The following CYREN variants were observed in gnomAD, a reference collection of about 807,000 sequenced individuals.
The protein encoded by CYREN is cell cycle regulator of NHEJ.
Under a neutral mutation model 9.7 loss-of-function variants are expected in CYREN, and 7 were observed. The observed-to-expected ratio is 0.72, with a 90% CI of 0.41 to 1.36. The LOEUF (loss-of-function observed/expected upper bound fraction) is 1.36, where lower values mean the gene tolerates loss of function less well. CYREN is among the 40% of genes most tolerant of loss of function. CYREN has a pLI of 0.01. For missense variants in CYREN, 215 were observed against 198.1 expected (o/e 1.09, Z -0.51); for synonymous variants, 76 against 77.9 (o/e 0.98, Z 0.13).
chr7:135,136,996 C>T (rs554387188), intron 2 of CYREN, among the ~76,000 whole-genome samples: 1 of 152,166 alleles, frequency 6.6e-6, no homozygotes, highest in South Asian at 2.1e-4. Context: ...GAGCATGCCA[C>T]TCTCTCATAA....
chr7:135,164,347 G>A, downstream of CYREN: 1 of 1,261,628 alleles, frequency 7.9e-7, no homozygotes, highest in South Asian at 1.4e-5. Context: ...GCCAAAGGGA[G>A]AACATGAGCT....
intron 2 of CYREN, among the ~76,000 whole-genome samples, chr7:135,142,845 T>C (rs534207820): frequency 1.1e-4 from 16 of 152,246 alleles, no homozygotes; most frequent in African/African-American, 3.6e-4. Context: ...GGAAAGACAG[T>C]CTGTGTTCAT....
intron 2 of CYREN, among the ~76,000 whole-genome samples, chr7:135,097,806 T>TA (rs1356182909): frequency 6.6e-6 from 1 of 152,098 alleles, no homozygotes; most frequent in African/African-American, 2.4e-5. Context: ...ACGTGTATGG[T>TA]AAAAAATGAC....
At chr7:135,144,896 G>A (rs1001626816) in intron 2 of CYREN, among the ~76,000 whole-genome samples, 2 of 127,226 alleles carry the variant, frequency 1.6e-5, no homozygotes, top group Middle Eastern at 5.2e-3. Flanking sequence ...TCGTGCCACT[G>A]CACTCCAGCC....
intron 2 of CYREN, among the ~76,000 whole-genome samples, chr7:135,110,467 A>C (rs945092585): frequency 6.6e-6 from 1 of 152,068 alleles, no homozygotes; most frequent in Non-Finnish European, 1.5e-5. Flanking sequence ...TATGTGTCAG[A>C]CTGCAGGAAT....
intron 2 of CYREN, among the ~76,000 whole-genome samples, chr7:135,121,305 TAGAAAATA>T (rs1039515380): frequency 6.6e-6 from 1 of 152,112 alleles, no homozygotes; most frequent in African/African-American, 2.4e-5. Flanking sequence ...TTTCAATAAT[TAGAAAATA>T]AGCAAGGATA....
chr7:135,109,810 T>A (rs1825349068), intron 2 of CYREN, among the ~76,000 whole-genome samples: 1 of 152,094 alleles, frequency 6.6e-6, no homozygotes, highest in African/African-American at 2.4e-5. Flanking sequence ...CCTAATCACC[T>A]CAGACTGTCT....
At chr7:135,124,220 C>CAA (rs369396148) in intron 2 of CYREN, among the ~76,000 whole-genome samples, 12,600 of 138,124 alleles carry the variant, frequency 0.091, 591 homozygotes, top group East Asian at 0.21. Flanking sequence ...AAATGGAAAG[C>CAA]AAAAAAAAAA....
chr7:135,157,586 A>G (rs1829826746), intron 2 of CYREN, among the ~76,000 whole-genome samples: 1 of 152,208 alleles, frequency 6.6e-6, no homozygotes. Flanking sequence ...GGGAGTGGTG[A>G]GCCCAGTGTG....
chr7:135,098,515 G>T (rs1408646049), intron 2 of CYREN, among the ~76,000 whole-genome samples: 1 of 152,168 alleles, frequency 6.6e-6, no homozygotes, highest in Non-Finnish European at 1.5e-5. Flanking sequence ...CCACGGATGT[G>T]GAGCCCACAC....
chr7:135,128,569 G>A (rs1487561300), intron 2 of CYREN: 2 of 769,880 alleles, frequency 2.6e-6, no homozygotes, highest in East Asian at 2.4e-5. Context: ...ATTTGCCATA[G>A]AATTTCAAGA....
chr7:135,171,074 C>T (rs888529358), upstream of CYREN, among the ~76,000 whole-genome samples: 2 of 152,180 alleles, frequency 1.3e-5, no homozygotes, highest in East Asian at 1.9e-4. Flanking sequence ...AGGCCCCCCT[C>T]GTGTGCTTGA....
At position 135,141,247 on chromosome 7, in the gene CYREN, T is replaced by C. The variant is rs542046719; in HGVS notation, n.356+27502A>G. Among the ~76,000 whole-genome samples, 5 of 152,204 alleles carry C rather than the reference T, an allele frequency of 3.3e-5. No individual in the cohort carries two copies. In the East Asian group the frequency reaches 7.7e-4, roughly 24 times the overall value. ...TTCAATTTCAGAACTTGTTATAGTA[T>C]GTTCAGGATTTCAATTTCTTCCTGG... On this transcript the variant is annotated intron_variant and non_coding_transcript_variant, in intron 2 of 2. Transcript: ENST00000459937.
chr7:135,108,351 T>C (rs1406560946), intron 2 of CYREN, among the ~76,000 whole-genome samples: 1 of 152,202 alleles, frequency 6.6e-6, no homozygotes, highest in African/African-American at 2.4e-5. Context: ...TATTGGTCTT[T>C]CCTTTCCATA....
intron 2 of CYREN, among the ~76,000 whole-genome samples, chr7:135,144,014 T>C (rs760422951): frequency 3.3e-5 from 5 of 152,100 alleles, no homozygotes; most frequent in Non-Finnish European, 5.9e-5. Context: ...GTATCTCCCC[T>C]AGGAGGAGAA....
At chr7:135,126,534 A>G (rs566840503) in intron 2 of CYREN, among the ~76,000 whole-genome samples, 12 of 152,352 alleles carry the variant, frequency 7.9e-5, no homozygotes, top group African/African-American at 2.2e-4. Flanking sequence ...TTTAGAAAAA[A>G]CTACTTTAAA....
intron 2 of CYREN, among the ~76,000 whole-genome samples, chr7:135,097,308 A>C (rs561967872): frequency 6.6e-6 from 1 of 152,312 alleles, no homozygotes. Context: ...ACAGTGTATC[A>C]AGTGATACAC....
intron 2 of CYREN, among the ~76,000 whole-genome samples, chr7:135,137,798 G>A (rs1829381065): frequency 6.6e-6 from 1 of 152,066 alleles, no homozygotes; most frequent in African/African-American, 2.4e-5. Context: ...AGGCTGGGAA[G>A]TCCAAGATCA....
rs377048155 is a variant in CYREN, at chr7:135,168,727, T to C, written c.137+59A>G. 7.6e-6 allele frequency: 12 copies of C among 1,581,972 alleles called. No individual in the cohort carries two copies. In the African/African-American group the frequency reaches 1.4e-4, roughly 18 times the overall value. On this transcript the variant is annotated intron_variant, in intron 2 of 3. Transcript: ENST00000393114. Reference sequence around the variant, plus strand: ...AGGCTGGAAGACCTGGCCCAGGTCATGGAGGCCCCTGCTCCACTTGCCAGA... The same window carrying C: ...AGGCTGGAAGACCTGGCCCAGGTCACGGAGGCCCCTGCTCCACTTGCCAGA...
Sources: gnomAD v4.1 joint callset for allele counts (sites outside exome capture counted in the v4.1 genomes callset) on GRCh38, gnomAD v4.1.1 for gene constraint, MANE v1.5 for transcripts, NCBI Gene and HGNC (gene_info 2026-07-23, HGNC 2026-07-21) for gene names.